XPR1: variants seen among roughly 807,000 people sequenced by gnomAD.
The protein encoded by XPR1 is xenotropic and polytropic retrovirus receptor 1.
In XPR1, 28 loss-of-function variants were observed where a neutral mutation model predicts 87.5. The ratio of observed to expected loss-of-function variants is 0.32; its 90% CI spans 0.24 to 0.44. The LOEUF is 0.44. Ranked by LOEUF, XPR1 falls within the 20% of genes least tolerant of loss-of-function variation. The pLI is 1.00. For synonymous variants in XPR1, 300 were observed against 306.1 expected (o/e 0.98, Z 0.21); for missense variants, 559 against 862.3 (o/e 0.65, Z 4.41).
chr1:180,830,249 G>A lies in XPR1; in HGVS notation c.1135-4625G>A, dbSNP rs564441724. Among the ~76,000 whole-genome samples, 50 of 152,156 alleles carry A rather than the reference G, an allele frequency of 3.3e-4. No individual in the cohort carries two copies. The South Asian group carries it at 3.5e-3, about 11-fold the overall frequency. ...TTCCTCACAAAAAGTTTGCTTTATC[G>A]GGCGCTTATGGTTGCAAATGGTATA... On this transcript the variant is annotated intron_variant, in intron 9 of 14. Coordinates refer to ENST00000367590, the MANE Select transcript of XPR1 (RefSeq NM_004736.4).
At chr1:180,643,323 T>C (rs1457306077) in intron 1 of XPR1, among the ~76,000 whole-genome samples, 2 of 152,190 alleles carry the variant, frequency 1.3e-5, no homozygotes, top group African/African-American at 4.8e-5. Flanking sequence ...TCAGGGTATG[T>C]CTTATAATTA....
chr1:180,774,540 G>A (rs1483157704), intron 2 of XPR1, among the ~76,000 whole-genome samples: 1 of 151,574 alleles, frequency 6.6e-6, no homozygotes, highest in East Asian at 1.9e-4. Flanking sequence ...ACAGGCACCC[G>A]CCACCATGCC....
At chr1:180,711,972 C>T (rs1485939149) in intron 2 of XPR1, among the ~76,000 whole-genome samples, 1 of 152,204 alleles carries the variant, frequency 6.6e-6, no homozygotes, top group African/African-American at 2.4e-5. Flanking sequence ...CCTGTCTCCA[C>T]TGTATTGCTT....
intron 1 of XPR1, among the ~76,000 whole-genome samples, chr1:180,662,516 GTTAT>G (rs1486364514): frequency 2.6e-5 from 4 of 152,074 alleles, no homozygotes; most frequent in African/African-American, 9.7e-5. Context: ...TCCATTGTAT[GTTAT>G]TTGTTTCTTT....
chr1:180,705,001 A>T (rs189583221), intron 2 of XPR1, among the ~76,000 whole-genome samples: 214 of 151,604 alleles, frequency 1.4e-3, no homozygotes, highest in Non-Finnish European at 2.4e-3. Flanking sequence ...GTATATATAT[A>T]TTTTAGGATA....
In XPR1 at chr1:180,825,255, C is replaced by G; in HGVS notation, c.1045C>G (p.Leu349Val). The G allele has an allele frequency of 6.2e-7, 1 of 1,614,110 alleles. No homozygotes were observed. Among genetic ancestry groups the G allele is most frequent in the Middle Eastern group, 1.6e-4 (1 of 6,062 alleles). The change falls in exon 9 of 15, where the codon CTT becomes GTT. Residue 349 changes from leucine (L) to valine (V), a missense_variant. Coordinates refer to ENST00000367590, the MANE Select transcript of XPR1 (RefSeq NM_004736.4). ...TGTCATCCCCACATATGTGTATCCA[C>G]TTGCCCTTTATGGATTTATGGTTTT... Reference protein sequence around the residue: ...ISVIPTYVYPLALYGFMVFFL... With the variant: ...ISVIPTYVYPVALYGFMVFFL...
chr1:180,656,582 TGTATA>T (rs1655529055), intron 1 of XPR1, among the ~76,000 whole-genome samples: 1 of 91,738 alleles, frequency 1.1e-5, no homozygotes. Flanking sequence ...TATATATGTA[TGTATA>T]ATATATATTT....
intron 11 of XPR1, among the ~76,000 whole-genome samples, chr1:180,856,544 G>A (rs1652040213): frequency 6.6e-6 from 1 of 152,172 alleles, no homozygotes; most frequent in East Asian, 1.9e-4. Context: ...GTACCTTAAA[G>A]TCAACACGTC....
chr1:180,639,364 T>G (rs1399373462), intron 1 of XPR1, among the ~76,000 whole-genome samples: 2 of 152,066 alleles, frequency 1.3e-5, no homozygotes, highest in Non-Finnish European at 2.9e-5. Context: ...ACTGTAAACA[T>G]AACTTAAAAT....
Position 180,845,383 on chromosome 1 carries a change from A to G in XPR1, c.1501+8667A>G, listed in dbSNP as rs554539290. On this transcript the variant is annotated intron_variant, in intron 11 of 14. Transcript: ENST00000367590. ...TAACATTATATAGTAAAAAACTGAA[A>G]TAATCTAACAAATGTTCAGCAATAG... Among the ~76,000 whole-genome samples the G allele has an allele frequency of 5.9e-5, 9 of 152,364 alleles. 1 individual carries two copies. The South Asian group carries it at 1.9e-3, about 32-fold the overall frequency.
intron 9 of XPR1, among the ~76,000 whole-genome samples, chr1:180,831,804 C>T (rs746476572): frequency 5.9e-5 from 9 of 152,096 alleles, no homozygotes; most frequent in Non-Finnish European, 1.0e-4. Context: ...CATTGTTGGG[C>T]GTTTGGGTTG....
Position 180,675,036 on chromosome 1 carries a change from C to G in XPR1, c.70-7324C>G, listed in dbSNP as rs79570657. Among the ~76,000 whole-genome samples the G allele has an allele frequency of 7.8e-3, 1,184 of 152,156 alleles. 17 individuals carry two copies. The highest frequency in any genetic ancestry group is 0.027 in the African/African-American group (1,130 of 41,504). On this transcript the variant is annotated intron_variant, in intron 1 of 14. Transcript: ENST00000367590. The stretch of plus-strand genomic sequence containing the variant: ...ACTGTTATATGAGTTGTTATAAGTA[C>G]TAGGAGTTTGTTCTAGTTTACATTT...
intron 2 of XPR1, among the ~76,000 whole-genome samples, chr1:180,693,784 A>G (rs549144528): frequency 1.3e-5 from 2 of 152,258 alleles, no homozygotes; most frequent in East Asian, 3.9e-4. Flanking sequence ...CATTGGATTT[A>G]AGGTCTGCCT....
chr1:180,854,695 A>G (rs1018930495), intron 11 of XPR1, among the ~76,000 whole-genome samples: 2 of 152,164 alleles, frequency 1.3e-5, no homozygotes, highest in South Asian at 2.1e-4. Context: ...TCTTGCACAC[A>G]TTGTTTTTAG....
At chr1:180,841,393 A>C (rs1217780368) in intron 11 of XPR1, among the ~76,000 whole-genome samples, 2 of 151,828 alleles carry the variant, frequency 1.3e-5, no homozygotes, top group East Asian at 3.9e-4. Flanking sequence ...TTCCAGACAA[A>C]GCGACATCTT....
chr1:180,879,652 C>A (rs563977975), intron 13 of XPR1, among the ~76,000 whole-genome samples: 33 of 152,358 alleles, frequency 2.2e-4, no homozygotes, highest in African/African-American at 7.5e-4. Flanking sequence ...ATGGCATACT[C>A]TATTCCCTTG....
chr1:180,819,467 T>C (rs1650532769), intron 7 of XPR1, among the ~76,000 whole-genome samples: 1 of 152,206 alleles, frequency 6.6e-6, no homozygotes, highest in Non-Finnish European at 1.5e-5. Flanking sequence ...TTAGAGATTT[T>C]CTAGTTCCTA....
Position 180,884,028 on chromosome 1 carries a change from G to A in XPR1, c.2053G>A (p.Val685Ile), listed in dbSNP as rs746151847. Residue 685 changes from valine (V) to isoleucine (I), a missense_variant, in exon 15 of 15, where the codon GTA becomes ATA. Val to Ile is a conservative substitution (Grantham distance 29). Around this residue, in one of 7 missense-constraint regions of XPR1, gnomAD observed 80 missense variants for 99.5 expected, o/e 0.80. Coordinates refer to ENST00000367590, the MANE Select transcript of XPR1 (RefSeq NM_004736.4). ...TAGATCCAAGGCTCGTGACACTAAGGTATTGATAGAAGACACAGATGATGA... is the reference window on the plus strand; with the variant it reads ...TAGATCCAAGGCTCGTGACACTAAGATATTGATAGAAGACACAGATGATGA... ...ASQSKARDTK[V>I]LIEDTDDEAN... 1 of 1,613,970 alleles carries A rather than the reference G, an allele frequency of 6.2e-7. No individual in the cohort carries two copies. Among genetic ancestry groups the A allele is most frequent in the Non-Finnish European group, 8.5e-7 (1 of 1,179,980 alleles).
intron 9 of XPR1, among the ~76,000 whole-genome samples, chr1:180,829,086 C>G (rs1386770151): frequency 2.0e-5 from 3 of 152,072 alleles, no homozygotes; most frequent in African/African-American, 7.2e-5. Context: ...GCCCCAGTTA[C>G]TTGGGAGGCT....
Sources: allele counts gnomAD v4.1 joint callset (sites outside exome capture counted in the v4.1 genomes callset), GRCh38; gene constraint gnomAD v4.1.1; regional missense constraint gnomAD v4.1.1; transcripts MANE v1.5; gene names NCBI Gene and HGNC (gene_info 2026-07-23, HGNC 2026-07-21).